Variants in SEC23IP observed in about 807,000 individuals in gnomAD.
SEC23IP encodes SEC23-interacting protein.
A neutral mutation model predicts 113.4 loss-of-function variants in SEC23IP; 70 were observed. The ratio of observed to expected loss-of-function variants is 0.62; its 90% CI spans 0.51 to 0.75. The LOEUF is 0.75. Among genes scored for constraint, SEC23IP ranks in the 30% least tolerant of loss-of-function variants. The probability of loss-of-function intolerance (pLI) is 0.00; values close to 1 mark genes in which losing one functional copy is unlikely to be tolerated. For synonymous variants in SEC23IP, 398 were observed against 421.0 expected (o/e 0.95, Z 0.67); for missense variants, 1,160 against 1,204.9 (o/e 0.96, Z 0.55).
intron 4 of SEC23IP, among the ~76,000 whole-genome samples, chr10:119,906,194 A>G (rs1200097885): frequency 6.7e-6 from 1 of 148,174 alleles, no homozygotes; most frequent in Non-Finnish European, 1.5e-5. Context: ...AGGCAGTAGG[A>G]TTGCTTGAGC....
intron 4 of SEC23IP, among the ~76,000 whole-genome samples, chr10:119,906,216 A>T (rs1854657591): frequency 6.8e-6 from 1 of 146,476 alleles, no homozygotes; most frequent in Non-Finnish European, 1.5e-5. Flanking sequence ...TGGGATCTTG[A>T]GGCTGCAGTG....
chr10:119,929,815 A>AT, intron 14 of SEC23IP, 53 bp downstream of exon 14: 1 of 1,382,136 alleles, frequency 7.2e-7, no homozygotes, highest in South Asian at 1.3e-5. Context: ...TTTTTTAAAC[A>AT]TTTTTTACTT....
intron 6 of SEC23IP, 38 bp downstream of exon 6, chr10:119,912,202 T>G (rs942150935): frequency 7.5e-6 from 12 of 1,593,232 alleles, no homozygotes; most frequent in Non-Finnish European, 1.0e-5. Flanking sequence ...TCTGTTTTAG[T>G]CCTCTCCATT....
Position 119,904,112 on chromosome 10 carries a change from T to C in SEC23IP, c.936T>C (p.Leu312=). The C allele has an allele frequency of 6.2e-7, 1 of 1,614,204 alleles. No individual in the cohort carries two copies. The highest frequency in any genetic ancestry group is 8.5e-7 in the Non-Finnish European group (1 of 1,180,028). The part of the protein sequence containing the change: ...SVQPDPESVV[L]GTDGGRYDVY... Reference sequence around the variant, plus strand: ...AGCCAGATCCGGAGAGCGTGGTTCTTGGCACGGATGGAGGGCGCTACGATG... The same window carrying C: ...AGCCAGATCCGGAGAGCGTGGTTCTCGGCACGGATGGAGGGCGCTACGATG... Residue 312 remains leucine (L), a synonymous_variant, in exon 4 of 19, where the codon CTT becomes CTC. Transcript: ENST00000369075.
At position 119,898,444 on chromosome 10, in the gene SEC23IP, G is replaced by T. The variant is rs775080315; in HGVS notation, c.181G>T (p.Gly61Cys). The T allele has an allele frequency of 1.2e-6, 2 of 1,612,400 alleles. No individual in the cohort carries two copies. The highest frequency in any genetic ancestry group is 3.3e-5 in the Admixed American group (2 of 59,956). ...LLPGEDSTDV[G>C]EEDSFLGQTS... ...CATTTCAGAGGATTCCACAGATGTTGGTGAGGAGGACAGCTTCCTTGGTCA... is the reference window on the plus strand; with the variant it reads ...CATTTCAGAGGATTCCACAGATGTTTGTGAGGAGGACAGCTTCCTTGGTCA... The change falls in exon 2 of 19, where the codon GGT becomes TGT. Residue 61 changes from glycine to cysteine, a missense_variant. Coordinates refer to ENST00000369075, the MANE Select transcript of SEC23IP (RefSeq NM_007190.4).
At chr10:119,936,692 AT>A (rs112450485) in intron 18 of SEC23IP, among the ~76,000 whole-genome samples, 231 of 151,496 alleles carry the variant, frequency 1.5e-3, no homozygotes, top group African/African-American at 5.4e-3. Flanking sequence ...TGATTAAAAA[AT>A]TTTTTTTTGC....
Position 119,898,607 on chromosome 10 carries a change from A to G in SEC23IP, c.344A>G (p.Lys115Arg). ...TCAGTTGGACAATCAGGATTCCCCA[A>G]GCCCCTGACTGCTCTCCCTTTTACA... Reference protein sequence around the residue: ...ATSVGQSGFPKPLTALPFTTG... With the variant: ...ATSVGQSGFPRPLTALPFTTG... Residue 115 changes from lysine (K) to arginine (R), a missense_variant, in exon 2 of 19, where the codon AAG becomes AGG. Physicochemically the swap from Lys to Arg is conservative, Grantham distance 26. Transcript: ENST00000369075. The G allele has an allele frequency of 6.2e-7, 1 of 1,614,246 alleles. No homozygotes were observed. Among genetic ancestry groups the G allele is most frequent in the Non-Finnish European group, 8.5e-7 (1 of 1,180,050 alleles).
intron 2 of SEC23IP, among the ~76,000 whole-genome samples, chr10:119,899,782 A>T (rs1854416325): frequency 6.6e-6 from 1 of 152,260 alleles, no homozygotes; most frequent in South Asian, 2.1e-4. Flanking sequence ...TTTGTTGCTT[A>T]AATTTTTAAA....
At chr10:119,935,396 G>T (rs1461267793) in intron 18 of SEC23IP, among the ~76,000 whole-genome samples, 2 of 152,118 alleles carry the variant, frequency 1.3e-5, no homozygotes, top group Non-Finnish European at 2.9e-5. Flanking sequence ...AGGAGTTGGA[G>T]GTTGCAGTGA....
intron 14 of SEC23IP, among the ~76,000 whole-genome samples, chr10:119,930,122 G>A (rs1019807859): frequency 6.6e-6 from 1 of 152,092 alleles, no homozygotes; most frequent in African/African-American, 2.4e-5. Flanking sequence ...CTTTGTTCAG[G>A]GAAATAATTC....
intron 4 of SEC23IP, among the ~76,000 whole-genome samples, chr10:119,906,612 G>C (rs1356376677): frequency 1.3e-5 from 2 of 151,528 alleles, no homozygotes; most frequent in Non-Finnish European, 2.9e-5. Context: ...GGATCTCACT[G>C]TCCCCCAGGG....
At chr10:119,912,352 C>T (rs771077627) in intron 6 of SEC23IP, among the ~76,000 whole-genome samples, 188 bp downstream of exon 6, 4 of 152,054 alleles carry the variant, frequency 2.6e-5, no homozygotes, top group Non-Finnish European at 5.9e-5. Flanking sequence ...AGACTTTTCT[C>T]GAACTCCTGA....
At chr10:119,907,812 G>A (rs1589828778) in intron 4 of SEC23IP, among the ~76,000 whole-genome samples, 1 of 152,208 alleles carries the variant, frequency 6.6e-6, no homozygotes, top group East Asian at 1.9e-4. Flanking sequence ...TTAGCCAGAT[G>A]TAGTGGCTCA....
At chr10:119,923,012 A>C (rs1260956988) in intron 12 of SEC23IP, among the ~76,000 whole-genome samples, 3 of 150,060 alleles carry the variant, frequency 2.0e-5, no homozygotes, top group Admixed American at 6.6e-5. Context: ...TAAAAAAAAA[A>C]ACAAAAAAAA....
chr10:119,908,711 T>A (rs1364209316), intron 4 of SEC23IP, among the ~76,000 whole-genome samples: 1 of 152,200 alleles, frequency 6.6e-6, no homozygotes, highest in Non-Finnish European at 1.5e-5. Flanking sequence ...AATTTTCTAC[T>A]TGGAGCCTCC....
chr10:119,933,901 G>A lies in SEC23IP; in HGVS notation c.*20+114G>A, dbSNP rs576229468. On this transcript the variant is annotated intron_variant, in intron 18 of 18. Transcript: ENST00000369075. ...TTTCTGTTTCCTCTGAGTTTTTGTC[G>A]TCGTTTTTAAAAATTTGCAATAGAG... 12 of 496,556 alleles carry A rather than the reference G, an allele frequency of 2.4e-5. No homozygotes were observed. The East Asian group carries it at 2.6e-4, about 11-fold the overall frequency. The allele number at this position is 496,556 out of a possible 1,614,324, so 30.8% of individuals were successfully genotyped here. A position where few individuals can be genotyped will look rare whatever the true frequency, so the allele number is the denominator to read the frequency against.
rs1418030755 is a variant in SEC23IP, at chr10:119,898,701, T to C, written c.438T>C (p.Pro146=). The change falls in exon 2 of 19, where the codon CCT becomes CCC. Residue 146 remains proline (P), a synonymous_variant. Coordinates refer to ENST00000369075, the MANE Select transcript of SEC23IP (RefSeq NM_007190.4). ...SISKAQPGAP[P]SSLMGINSYL... The stretch of plus-strand genomic sequence containing the variant: ...CGAAGGCTCAACCTGGTGCTCCACC[T>C]TCCTCACTGATGGGAATAAATTCTT... The C allele has an allele frequency of 6.2e-7, 1 of 1,614,246 alleles. No individual in the cohort carries two copies. Among genetic ancestry groups the C allele is most frequent in the Non-Finnish European group, 8.5e-7 (1 of 1,180,040 alleles).
chr10:119,912,573 A>G (rs189045479), intron 6 of SEC23IP, among the ~76,000 whole-genome samples: 2 of 152,060 alleles, frequency 1.3e-5, no homozygotes, highest in Non-Finnish European at 2.9e-5. Flanking sequence ...ATCACCTCAA[A>G]CATTCATCAT....
chr10:119,933,844 TGTATG>T (rs2134533431), intron 18 of SEC23IP, 57 bp downstream of exon 18: 1 of 877,516 alleles, frequency 1.1e-6, no homozygotes, highest in African/African-American at 1.7e-5. Context: ...TCAAATCTGT[TGTATG>T]GAGTTGATGT....
Sources: gnomAD v4.1 joint callset for allele counts (sites outside exome capture counted in the v4.1 genomes callset) on GRCh38, gnomAD v4.1.1 for gene constraint, MANE v1.5 for transcripts, NCBI Gene and HGNC (gene_info 2026-07-23, HGNC 2026-07-21) for gene names.